The following PIK3CB variants were observed in gnomAD, a reference collection of about 807,000 sequenced individuals.
PIK3CB encodes the protein phosphatidylinositol-4,5-bisphosphate 3-kinase catalytic subunit beta, also known as phosphatidylinositol 4,5-bisphosphate 3-kinase catalytic subunit beta isoform.
Under a neutral mutation model 136.8 loss-of-function variants are expected in PIK3CB, and 39 were observed. That is an observed-to-expected ratio of 0.29 (90% confidence interval 0.22 to 0.37). The LOEUF (loss-of-function observed/expected upper bound fraction) is 0.37. Ranked by LOEUF, PIK3CB falls within the 10% of genes least tolerant of loss-of-function variation. PIK3CB has a pLI of 1.00. For missense variants in PIK3CB, 868 were observed against 1,275.4 expected (o/e 0.68, Z 4.87); for synonymous variants, 428 against 436.6 (o/e 0.98, Z 0.25).
At chr3:138,719,713 C>A (rs59813438) in intron 8 of PIK3CB, among the ~76,000 whole-genome samples, 5,295 of 152,172 alleles carry the variant, frequency 0.035, 311 homozygotes, top group African/African-American at 0.12. Context: ...ACAGCCCCAT[C>A]ATCAATGTCT....
intron 4 of PIK3CB, among the ~76,000 whole-genome samples, chr3:138,753,261 C>T (rs1034456181): frequency 1.3e-4 from 20 of 152,130 alleles, no homozygotes; most frequent in Non-Finnish European, 2.5e-4. Context: ...TGGTTCACAC[C>T]TGTAATCCCA....
At chr3:138,834,126 C>T (rs1401605775) in intron 1 of PIK3CB, among the ~76,000 whole-genome samples, 1 of 152,230 alleles carries the variant, frequency 6.6e-6, no homozygotes, top group African/African-American at 2.4e-5. Context: ...AGCACTTGTT[C>T]AGTTATGCCT....
intron 4 of PIK3CB, among the ~76,000 whole-genome samples, chr3:138,745,941 G>A: frequency 6.6e-6 from 1 of 151,998 alleles, no homozygotes. Flanking sequence ...TGGGCACTTT[G>A]ATCTGCATTA....
At chr3:138,754,162 C>A (rs2045523095) in intron 4 of PIK3CB, among the ~76,000 whole-genome samples, 1 of 151,950 alleles carries the variant, frequency 6.6e-6, no homozygotes, top group Admixed American at 6.6e-5. Context: ...AATTTAAATT[C>A]TATAAAAATA....
intron 6 of PIK3CB, among the ~76,000 whole-genome samples, chr3:138,735,923 C>T (rs1052159703): frequency 6.6e-6 from 1 of 152,020 alleles, no homozygotes; most frequent in Non-Finnish European, 1.5e-5. Flanking sequence ...ATGAAAGATC[C>T]ATTTCTCTCA....
intron 4 of PIK3CB, among the ~76,000 whole-genome samples, chr3:138,751,839 T>C (rs768768994): frequency 1.3e-4 from 19 of 151,716 alleles, no homozygotes; most frequent in Non-Finnish European, 2.5e-4. Flanking sequence ...GGTGTAGTCA[T>C]GCAATCCTGT....
intron 12 of PIK3CB, among the ~76,000 whole-genome samples, chr3:138,701,485 G>A (rs1326263649): frequency 6.6e-6 from 1 of 152,078 alleles, no homozygotes; most frequent in Non-Finnish European, 1.5e-5. Flanking sequence ...GAAGAATTAA[G>A]GGGTAAAAGG....
intron 2 of PIK3CB, among the ~76,000 whole-genome samples, chr3:138,762,018 G>A (rs919926734): frequency 1.3e-5 from 2 of 151,534 alleles, no homozygotes; most frequent in African/African-American, 4.8e-5. Context: ...AGGCCGAGGT[G>A]GGTGGATCAC....
chr3:138,814,638 C>T (rs886535780), intron 1 of PIK3CB, among the ~76,000 whole-genome samples: 2 of 152,134 alleles, frequency 1.3e-5, no homozygotes, highest in African/African-American at 4.8e-5. Context: ...CTTTCCTCCA[C>T]TCAACCGTTA....
At chr3:138,661,885 G>C (rs1480973167) in intron 21 of PIK3CB, among the ~76,000 whole-genome samples, 1 of 152,050 alleles carries the variant, frequency 6.6e-6, no homozygotes, top group Non-Finnish European at 1.5e-5. Flanking sequence ...ATCTGTTTTT[G>C]CTTAACATAA....
intron 21 of PIK3CB, among the ~76,000 whole-genome samples, chr3:138,663,218 A>C (rs1172207138): frequency 6.6e-6 from 1 of 152,198 alleles, no homozygotes. Context: ...TACAAGAAAA[A>C]AACAAACAAC....
chr3:138,759,025 C>T (rs776089162), intron 3 of PIK3CB, 148 bp downstream of exon 3: 15 of 469,010 alleles, frequency 3.2e-5, no homozygotes, highest in Non-Finnish European at 5.2e-5. Context: ...TTCAAACTAG[C>T]TAACATAAAC....
intron 1 of PIK3CB, among the ~76,000 whole-genome samples, chr3:138,812,979 T>C (rs1230188991): frequency 6.6e-6 from 1 of 152,220 alleles, no homozygotes; most frequent in Non-Finnish European, 1.5e-5. Flanking sequence ...ATATGAACTA[T>C]AGCCAAGTCA....
chr3:138,690,845 T>C (rs137936910), intron 15 of PIK3CB, among the ~76,000 whole-genome samples, 155 bp downstream of exon 15: 126 of 151,980 alleles, frequency 8.3e-4, no homozygotes, highest in Admixed American at 2.0e-3. Context: ...TCAAGAGTGC[T>C]GGTATCAAGA....
intron 1 of PIK3CB, among the ~76,000 whole-genome samples, chr3:138,803,895 G>A (rs1312521217): frequency 6.6e-6 from 1 of 152,120 alleles, no homozygotes; most frequent in East Asian, 1.9e-4. Flanking sequence ...ACATTCCAAA[G>A]ATGTGAATTT....
intron 2 of PIK3CB, among the ~76,000 whole-genome samples, chr3:138,765,351 T>C (rs1038129508): frequency 1.5e-4 from 23 of 152,062 alleles, no homozygotes; most frequent in African/African-American, 5.6e-4. Context: ...GACAATTATA[T>C]TGGATATTAA....
intron 8 of PIK3CB, among the ~76,000 whole-genome samples, chr3:138,721,007 A>G (rs1202028344): frequency 6.6e-6 from 1 of 152,222 alleles, no homozygotes; most frequent in Non-Finnish European, 1.5e-5. Flanking sequence ...CCTGCAAACT[A>G]CAAAAAAACT....
At chr3:138,800,407 C>G (rs1428551159) in intron 1 of PIK3CB, among the ~76,000 whole-genome samples, 1 of 151,676 alleles carries the variant, frequency 6.6e-6, no homozygotes, top group Non-Finnish European at 1.5e-5. Context: ...TCACTGCAGC[C>G]TTGACCTCCT....
chr3:138,828,932 C>T (rs1393512222), intron 1 of PIK3CB, among the ~76,000 whole-genome samples: 1 of 150,782 alleles, frequency 6.6e-6, no homozygotes, highest in Non-Finnish European at 1.5e-5. Flanking sequence ...GGATTACAGG[C>T]GCATGCCACC....
Sources: gnomAD v4.1 joint callset for allele counts (sites outside exome capture counted in the v4.1 genomes callset) on GRCh38, gnomAD v4.1.1 for gene constraint, MANE v1.5 for transcripts, NCBI Gene and HGNC (gene_info 2026-07-23, HGNC 2026-07-21) for gene names.